The following CSMD1 variants were observed in gnomAD, a reference collection of about 807,000 sequenced individuals.
The protein encoded by CSMD1 is CUB and Sushi multiple domains 1.
A neutral mutation model predicts 417.5 loss-of-function variants in CSMD1; 213 were observed. The ratio of observed to expected loss-of-function variants is 0.51; its 90% confidence interval spans 0.46 to 0.57. The LOEUF (loss-of-function observed/expected upper bound fraction) is 0.57. CSMD1 is among the 20% of genes least tolerant of loss of function. The pLI is 0.00. For synonymous variants in CSMD1, 2,862 were observed against 1,736.8 expected (o/e 1.65, Z -16.11); for missense variants, 6,923 against 4,529.7 (o/e 1.53, Z -15.17).
intron 42 of CSMD1, among the ~76,000 whole-genome samples, chr8:3,112,705 AT>A (rs1271384398): frequency 2.0e-5 from 3 of 152,214 alleles, no homozygotes; most frequent in Non-Finnish European, 4.4e-5. Flanking sequence ...AGCTTATTGA[AT>A]AGTGATGAAG....
chr8:4,335,603 A>G (rs112391427), intron 3 of CSMD1, among the ~76,000 whole-genome samples: 2,000 of 152,242 alleles, frequency 0.013, 24 homozygotes, highest in Non-Finnish European at 0.021. Context: ...AAACTACTCT[A>G]TGATTATCAT....
chr8:4,919,959 T>C (rs1232407327), intron 1 of CSMD1, among the ~76,000 whole-genome samples: 1 of 152,158 alleles, frequency 6.6e-6, no homozygotes, highest in African/African-American at 2.4e-5. Context: ...AATGCCTTGA[T>C]CTTGGACTTC....
intron 6 of CSMD1, among the ~76,000 whole-genome samples, chr8:3,713,861 T>C (rs1356482689): frequency 6.6e-6 from 1 of 152,220 alleles, no homozygotes; most frequent in African/African-American, 2.4e-5. Flanking sequence ...ATAAATCTTG[T>C]GTCTTCAACT....
chr8:3,678,800 A>G (rs1799509492), intron 7 of CSMD1, among the ~76,000 whole-genome samples: 1 of 152,196 alleles, frequency 6.6e-6, no homozygotes, highest in Non-Finnish European at 1.5e-5. Context: ...AGGTCGGGTT[A>G]CCCACAAAGG....
At chr8:3,490,593 A>C (rs1818316172) in intron 11 of CSMD1, among the ~76,000 whole-genome samples, 1 of 152,090 alleles carries the variant, frequency 6.6e-6, no homozygotes, top group Non-Finnish European at 1.5e-5. Flanking sequence ...TCTATTTCCC[A>C]CAGGCTGGAA....
At chr8:3,449,358 T>C (rs1815538493) in intron 12 of CSMD1, among the ~76,000 whole-genome samples, 2 of 152,084 alleles carry the variant, frequency 1.3e-5, no homozygotes, top group African/African-American at 4.8e-5. Flanking sequence ...TCTCTACCCC[T>C]CTGTTATGTG....
intron 3 of CSMD1, among the ~76,000 whole-genome samples, chr8:4,331,989 G>A (rs1291845328): frequency 2.0e-5 from 3 of 152,154 alleles, no homozygotes; most frequent in Non-Finnish European, 4.4e-5. Context: ...CATCTGAAAT[G>A]AAAATGCTGA....
At position 3,219,267 on chromosome 8, in the gene CSMD1, T is replaced by C. The variant is rs771664606; in HGVS notation, c.4660A>G (p.Ile1554Val). ...DASVGLSGFA[I>V]EFKEKPREAC... ...GCAATCGCAATACCTTTAAATTCAA[T>C]GGCGAACCCTGAAAGGCCCACGGAG... Residue 1554 changes from isoleucine (I) to valine (V), a missense_variant, in exon 29 of 70, where the codon ATT (isoleucine) becomes GTT (valine). By Grantham distance (29) the Ile-to-Val change is conservative. Coordinates refer to ENST00000635120, the MANE Select transcript of CSMD1 (RefSeq NM_033225.6). 6 of 1,592,004 alleles carry C rather than the reference T, an allele frequency of 3.8e-6. No individual in the cohort carries two copies. The highest frequency in any genetic ancestry group is 4.3e-6 in the Non-Finnish European group (5 of 1,168,216).
intron 7 of CSMD1, among the ~76,000 whole-genome samples, chr8:3,669,318 C>G (rs1230561224): frequency 6.6e-6 from 1 of 152,098 alleles, no homozygotes; most frequent in African/African-American, 2.4e-5. Flanking sequence ...TTTGTGTGAG[C>G]AATTATTTCC....
chr8:4,947,152 T>A (rs139164708), intron 1 of CSMD1, among the ~76,000 whole-genome samples: 309 of 152,302 alleles, frequency 2.0e-3, no homozygotes, highest in African/African-American at 7.0e-3. Flanking sequence ...TTAACACAAA[T>A]TCACAACAAA....
intron 1 of CSMD1, among the ~76,000 whole-genome samples, chr8:4,660,554 G>A (rs778017752): frequency 3.3e-5 from 5 of 151,734 alleles, no homozygotes; most frequent in Admixed American, 6.6e-5. Context: ...CAAAGGAACT[G>A]GAATACCTAA....
intron 3 of CSMD1, among the ~76,000 whole-genome samples, chr8:4,306,056 G>A (rs143757342): frequency 6.6e-6 from 1 of 152,232 alleles, no homozygotes; most frequent in African/African-American, 2.4e-5. Flanking sequence ...CACATTACTG[G>A]ACATTTTGAT....
chr8:4,074,521 T>A (rs571957453), intron 3 of CSMD1, among the ~76,000 whole-genome samples: 1 of 152,084 alleles, frequency 6.6e-6, no homozygotes, highest in Non-Finnish European at 1.5e-5. Flanking sequence ...AAACATGATA[T>A]TTGAGAACAT....
At chr8:4,822,104 T>A (rs556787089) in intron 1 of CSMD1, among the ~76,000 whole-genome samples, 1 of 152,166 alleles carries the variant, frequency 6.6e-6, no homozygotes, top group South Asian at 2.1e-4. Flanking sequence ...TACCAGAACA[T>A]TCACATGCTT....
intron 6 of CSMD1, among the ~76,000 whole-genome samples, chr8:3,736,345 G>A (rs551030347): frequency 1.3e-5 from 2 of 152,066 alleles, no homozygotes; most frequent in African/African-American, 4.8e-5. Context: ...GGGCTCAGGT[G>A]ATTCTCCTAC....
At position 3,990,209 on chromosome 8, in the gene CSMD1, C is replaced by T. The variant is rs1464140257; in HGVS notation, c.818+7694G>A. Among the ~76,000 whole-genome samples, 6 of 152,136 alleles carry T rather than the reference C, an allele frequency of 3.9e-5. No individual in the cohort carries two copies. In the South Asian group the frequency reaches 6.2e-4, roughly 16 times the overall value. On this transcript the variant is annotated intron_variant, in intron 5 of 69. Transcript: ENST00000635120. Reference sequence around the variant, plus strand: ...AAGAAAGAAGTGTGATTACAAACAACAGGTATTTCATAGTTGATGAAATAC... The same window carrying T: ...AAGAAAGAAGTGTGATTACAAACAATAGGTATTTCATAGTTGATGAAATAC...
At chr8:4,621,078 T>G (rs1448283375) in intron 2 of CSMD1, among the ~76,000 whole-genome samples, 2 of 152,082 alleles carry the variant, frequency 1.3e-5, no homozygotes, top group Admixed American at 1.3e-4. Context: ...GGACTTAGAA[T>G]AATAACAGCA....
intron 1 of CSMD1, among the ~76,000 whole-genome samples, chr8:4,773,608 C>T (rs773049690): frequency 6.6e-6 from 1 of 152,154 alleles, no homozygotes; most frequent in Non-Finnish European, 1.5e-5. Context: ...AAGGATTCCT[C>T]AGGAGTGTTT....
intron 7 of CSMD1, among the ~76,000 whole-genome samples, chr8:3,675,941 G>C (rs1799352831): frequency 6.6e-6 from 1 of 152,142 alleles, no homozygotes; most frequent in Non-Finnish European, 1.5e-5. Context: ...TAATGTACCT[G>C]AGTATTATTT....
Sources: gnomAD v4.1 joint callset for allele counts (sites outside exome capture counted in the v4.1 genomes callset) on GRCh38, gnomAD v4.1.1 for gene constraint, MANE v1.5 for transcripts, NCBI Gene and HGNC (gene_info 2026-07-23, HGNC 2026-07-21) for gene names.